Variants in SLFN5 observed in about 807,000 individuals in gnomAD.
The protein encoded by SLFN5 is schlafen family member 5.
SLFN5 carries 34 observed loss-of-function variants against 48.5 expected under a neutral mutation model. The ratio of observed to expected loss-of-function variants is 0.70; its 90% CI spans 0.53 to 0.93. The LOEUF is 0.93. SLFN5 is among the 40% of genes least tolerant of loss of function. The probability of loss-of-function intolerance (pLI) is 0.00; values close to 1 mark genes in which losing one functional copy is unlikely to be tolerated. For synonymous variants in SLFN5, 387 were observed against 396.2 expected (o/e 0.98, Z 0.28); for missense variants, 1,006 against 1,071.3 (o/e 0.94, Z 0.85).
chr17:35,245,539 G>A (rs920822558), intron 1 of SLFN5, among the ~76,000 whole-genome samples: 3 of 152,184 alleles, frequency 2.0e-5, no homozygotes, highest in African/African-American at 4.8e-5. Context: ...TCAGAAAATA[G>A]AAATCATTTC....
In SLFN5 at chr17:35,259,717, T is replaced by G; in HGVS notation, c.1012+15T>G. On this transcript the variant is annotated intron_variant, in intron 2 of 4. Transcript: ENST00000299977. ...AGCTGACCCAGGTTAGGGAGCAATA[T>G]CCACAATGGTTGTAATGTTTGCTGG... is the stretch of plus-strand genomic sequence containing the variant. 1 of 1,597,144 alleles carries G rather than the reference T, an allele frequency of 6.3e-7. No homozygotes were observed. The highest frequency in any genetic ancestry group is 1.3e-5 in the African/African-American group (1 of 74,952).
rs1904799472 is a variant in SLFN5, at chr17:35,270,329, C to T, written c.*4441C>T. On this transcript the variant is annotated 3_prime_UTR_variant, in exon 5 of 5. Transcript: ENST00000299977. The stretch of plus-strand genomic sequence containing the variant: ...TTGAAGGTCACATGCTGAAATCGCC[C>T]TCTACTAAAACAAACTCATAGAAAT... 6.6e-6 allele frequency: 1 copy of T among 152,186 alleles called. No individual in the cohort carries two copies. Among genetic ancestry groups the T allele is most frequent in the Admixed American group, 6.5e-5 (1 of 15,276 alleles). 9.4% of individuals were successfully genotyped at this position (152,186 alleles called of 1,614,324 possible).
intron 3 of SLFN5, among the ~76,000 whole-genome samples, chr17:35,261,558 G>A (rs2142701665): frequency 6.6e-6 from 1 of 152,218 alleles, no homozygotes; most frequent in East Asian, 1.9e-4. Flanking sequence ...TTGTAGAGAT[G>A]GAGTCTCCCT....
chr17:35,244,169 A>C (rs974175970), intron 1 of SLFN5, among the ~76,000 whole-genome samples: 3 of 152,166 alleles, frequency 2.0e-5, no homozygotes, highest in African/African-American at 4.8e-5. Context: ...TTATAATTAT[A>C]TTGCTAGAAA....
At chr17:35,263,811 CAAA>C (rs370619332) in intron 3 of SLFN5, among the ~76,000 whole-genome samples, 2 of 122,392 alleles carry the variant, frequency 1.6e-5, no homozygotes, top group Admixed American at 8.5e-5. Flanking sequence ...GACTCCATCT[CAAA>C]AAAAAAAAAA....
rs1904611670 is a variant in SLFN5, at chr17:35,264,385, C to T, written c.1341C>T (p.Asn447=). 1 of 1,614,110 alleles carries T rather than the reference C, an allele frequency of 6.2e-7. No individual in the cohort carries two copies. Among genetic ancestry groups the T allele is most frequent in the Non-Finnish European group, 8.5e-7 (1 of 1,180,026 alleles). Reference sequence around the variant, plus strand: ...GTGATGCTCTTCTAATTTCCCAGAACAACACCCCTATTCTCTACACCATCT... The same window carrying T: ...GTGATGCTCTTCTAATTTCCCAGAATAACACCCCTATTCTCTACACCATCT... The part of the protein sequence containing the change: ...VICDALLISQ[N]NTPILYTIFS... Residue 447 remains asparagine, a synonymous_variant, in exon 4 of 5, where the codon AAC becomes AAT. Transcript: ENST00000299977.
At chr17:35,254,367 G>A (rs2092449942) in intron 1 of SLFN5, among the ~76,000 whole-genome samples, 1 of 152,156 alleles carries the variant, frequency 6.6e-6, no homozygotes, top group Non-Finnish European at 1.5e-5. Flanking sequence ...CTCTGCAGCT[G>A]TTATTCCCAG....
intron 1 of SLFN5, among the ~76,000 whole-genome samples, chr17:35,250,350 C>G (rs772489133): frequency 6.6e-6 from 1 of 152,096 alleles, no homozygotes; most frequent in Non-Finnish European, 1.5e-5. Flanking sequence ...CTGTTTTTGT[C>G]CAGATGCTCA....
At chr17:35,250,388 G>T (rs747351271) in intron 1 of SLFN5, among the ~76,000 whole-genome samples, 2 of 152,238 alleles carry the variant, frequency 1.3e-5, no homozygotes, top group East Asian at 1.9e-4. Context: ...GGCTGGGCGC[G>T]GTGGCTCACG....
chr17:35,253,906 C>G (rs1417531516), intron 1 of SLFN5, among the ~76,000 whole-genome samples: 1 of 151,946 alleles, frequency 6.6e-6, no homozygotes, highest in African/African-American at 2.4e-5. Flanking sequence ...CTGTGTTGGC[C>G]AGGCTGGTCT....
chr17:35,250,040 C>G (rs989498878), intron 1 of SLFN5, among the ~76,000 whole-genome samples: 7 of 152,184 alleles, frequency 4.6e-5, no homozygotes, highest in African/African-American at 1.7e-4. Context: ...ATGCAAAGGT[C>G]CTCTCCTATC....
chr17:35,255,176 A>T (rs1323491627), intron 1 of SLFN5, among the ~76,000 whole-genome samples: 2 of 152,216 alleles, frequency 1.3e-5, no homozygotes, highest in African/African-American at 4.8e-5. Flanking sequence ...AGGATTAATG[A>T]TGTTAAAAAA....
chr17:35,261,844 T>A (rs1335618264), intron 3 of SLFN5, among the ~76,000 whole-genome samples: 15 of 151,532 alleles, frequency 9.9e-5, no homozygotes. Context: ...CCCAGCTAAT[T>A]TTTTTTGCAT....
chr17:35,264,202 A>T lies in SLFN5; in HGVS notation c.1158A>T (p.Val386=). The change falls in exon 4 of 5, where the codon GTA becomes GTT. Residue 386 remains valine (V), a synonymous_variant. Transcript: ENST00000299977. ...RYFPVFSDRV[V]YTPESLYKEL... The stretch of plus-strand genomic sequence containing the variant: ...GTCTAGTATTTTCAGACAGAGTGGT[A>T]TATACTCCAGAAAGCCTCTACAAGG... The T allele has an allele frequency of 6.2e-7, 1 of 1,609,686 alleles. No individual in the cohort carries two copies. The highest frequency in any genetic ancestry group is 8.5e-7 in the Non-Finnish European group (1 of 1,178,392).
chr17:35,265,761 G>A lies in SLFN5; in HGVS notation c.2549G>A (p.Gly850Asp), dbSNP rs768914827. ...TTGGACAGTGTCTGTCGATTTTCAG[G>A]CCTGGAAAGAAATATCGTGTTTGGA... ...IVLDSVCRFS[G>D]LERNIVFGIN... The change falls in exon 5 of 5, where the codon GGC (glycine) becomes GAC (aspartate). Residue 850 changes from glycine (G) to aspartate (D), a missense_variant. Coordinates refer to ENST00000299977, the MANE Select transcript of SLFN5 (RefSeq NM_144975.4). 1.9e-6 allele frequency: 3 copies of A among 1,614,180 alleles called. No homozygotes were observed. The East Asian group carries it at 6.7e-5, about 36-fold the overall frequency.
chr17:35,260,623 G>A (rs1411273126), intron 2 of SLFN5, among the ~76,000 whole-genome samples: 1 of 150,308 alleles, frequency 6.7e-6, no homozygotes, highest in African/African-American at 2.4e-5. Context: ...CTGCTCAGGA[G>A]GATTGCTTGA....
In SLFN5 at chr17:35,267,860, G is replaced by A. The variant is rs1226515395; in HGVS notation, c.*1972G>A. On this transcript the variant is annotated 3_prime_UTR_variant, in exon 5 of 5. Transcript: ENST00000299977. ...ACCAGAATTCTTGTTAATATGGCCAGTTTGAAGGGTGGTGGCGGAGGTATT... is the reference window on the plus strand; with the variant it reads ...ACCAGAATTCTTGTTAATATGGCCAATTTGAAGGGTGGTGGCGGAGGTATT... The A allele has an allele frequency of 6.6e-6, 1 of 152,304 alleles. No homozygotes were observed. The highest frequency in any genetic ancestry group is 1.5e-5 in the Non-Finnish European group (1 of 68,090). 9.4% of individuals were successfully genotyped at this position (152,304 alleles called of 1,614,324 possible).
chr17:35,266,177 T>TGTGTGTGTGTGTGTGTGCGCGC lies in SLFN5; in HGVS notation c.*290_*291insTGTGTGTGTGTGTGTGCGCGCG, dbSNP rs35160124. ...GTGTGTGTGTGTGTGTGTGTGTGTGTGCGCGCGCGCACGTGCACATGTGTG... is the reference window on the plus strand; with the variant it reads ...GTGTGTGTGTGTGTGTGTGTGTGTGTGTGTGTGTGTGTGTGTGCGCGCGCGCGCGCGCACGTGCACATGTGTG... On this transcript the variant is annotated 3_prime_UTR_variant, in exon 5 of 5. Transcript: ENST00000299977. 7.5e-5 allele frequency: 13 copies of TGTGTGTGTGTGTGTGTGCGCGC among 173,334 alleles called. No homozygotes were observed. The highest frequency in any genetic ancestry group is 2.4e-4 in the Admixed American group (4 of 16,444). The allele number at this position is 173,334 out of a possible 1,614,324, so 10.7% of individuals were successfully genotyped here. A position where few individuals can be genotyped will look rare whatever the true frequency, so the allele number is the denominator to read the frequency against.
intron 1 of SLFN5, among the ~76,000 whole-genome samples, chr17:35,250,716 T>C (rs985767667): frequency 6.6e-6 from 1 of 151,910 alleles, no homozygotes; most frequent in South Asian, 2.1e-4. Flanking sequence ...TGTGATTCAG[T>C]TCTGATACAA....
Sources: gnomAD v4.1 joint callset for allele counts (sites outside exome capture counted in the v4.1 genomes callset) on GRCh38, gnomAD v4.1.1 for gene constraint, MANE v1.5 for transcripts, NCBI Gene and HGNC (gene_info 2026-07-23, HGNC 2026-07-21) for gene names.